NUP210L: variants seen among roughly 807,000 people sequenced by gnomAD.
NUP210L encodes the protein nuclear pore membrane glycoprotein 210-like.
NUP210L carries 74 observed loss-of-function variants against 208.5 expected under a neutral mutation model. That is an observed-to-expected ratio of 0.35 (90% CI 0.29 to 0.43). The LOEUF is 0.43. Ranked by LOEUF, NUP210L falls within the 20% of genes least tolerant of loss-of-function variation. The pLI is 1.00. For synonymous variants in NUP210L, 780 were observed against 816.9 expected, an observed-to-expected ratio of 0.95 and a Z score of 0.77; for missense variants, 1,843 against 2,289.4, an observed-to-expected ratio of 0.81 and a Z score of 3.98.
At chr1:154,089,626 G>T (rs1655803386) in intron 15 of NUP210L, 32 bp from the exon 16 acceptor site, 2 of 1,577,922 alleles carry the variant, frequency 1.3e-6, no homozygotes, top group African/African-American at 1.3e-5. Flanking sequence ...AGAGATAATT[G>T]TGGGTAGATA....
chr1:154,100,465 C>T (rs1481254428), intron 13 of NUP210L, among the ~76,000 whole-genome samples: 1 of 148,262 alleles, frequency 6.7e-6, no homozygotes, highest in African/African-American at 2.5e-5. Flanking sequence ...AAAAAAAACC[C>T]AAAACAAATA....
rs1277042734 is a variant in NUP210L, at chr1:153,992,949, G to A, written c.5567-14C>T. On this transcript the variant is annotated splice_polypyrimidine_tract_variant and intron_variant, in intron 39 of 39. Coordinates refer to ENST00000368559, the Ensembl canonical transcript of NUP210L. ...AGTTAAAAAAACCTAGAAGAAGAGG[G>A]AAAAGTTGAGTGAATTAAACGTGTG... 5 of 1,609,258 alleles carry A rather than the reference G, an allele frequency of 3.1e-6. No homozygotes were observed. Among genetic ancestry groups the A allele is most frequent in the African/African-American group, 2.7e-5 (2 of 74,616 alleles).
At chr1:154,013,006 C>A (rs1413721265) in intron 33 of NUP210L, among the ~76,000 whole-genome samples, 205 of 72,492 alleles carry the variant, frequency 2.8e-3, no homozygotes, top group Non-Finnish European at 2.8e-3. Context: ...AACTCTGAAT[C>A]AAAAAAAAAA....
intron 12 of NUP210L, among the ~76,000 whole-genome samples, chr1:154,110,809 T>A (rs1235111340): frequency 6.7e-6 from 1 of 149,644 alleles, no homozygotes; most frequent in Non-Finnish European, 1.5e-5. Flanking sequence ...GCCTGGGAGG[T>A]AGTGGCTGCA....
intron 17 of NUP210L, among the ~76,000 whole-genome samples, chr1:154,068,277 C>T (rs1230714495): frequency 6.6e-6 from 1 of 152,144 alleles, no homozygotes; most frequent in Non-Finnish European, 1.5e-5. Flanking sequence ...AGAAATAATA[C>T]CACACATCTA....
At chr1:154,088,447 T>A (rs1312700196) in intron 16 of NUP210L, among the ~76,000 whole-genome samples, 1 of 152,194 alleles carries the variant, frequency 6.6e-6, no homozygotes, top group Admixed American at 6.5e-5. Context: ...AACTTGCCTG[T>A]AAATTTGAAT....
intron 27 of NUP210L, among the ~76,000 whole-genome samples, chr1:154,033,058 A>G (rs1006035710): frequency 1.3e-5 from 2 of 152,024 alleles, no homozygotes; most frequent in African/African-American, 4.8e-5. Flanking sequence ...GGAAGGAAAT[A>G]TCTATTCCAA....
intron 27 of NUP210L, among the ~76,000 whole-genome samples, chr1:154,040,646 G>T (rs987935806): frequency 2.0e-5 from 3 of 151,616 alleles, no homozygotes; most frequent in African/African-American, 7.3e-5. Flanking sequence ...GAGTGCAGTG[G>T]CGTGATCTTG....
chr1:154,126,401 A>G (rs1657983685), exon 10 of NUP210L: 1 of 1,613,370 alleles, frequency 6.2e-7, no homozygotes, highest in Non-Finnish European at 8.5e-7. Context: ...GGTAAGATCC[A>G]TTCACGGTAG....
At chr1:154,101,726 TAGAA>T (rs755875078) in intron 13 of NUP210L, among the ~76,000 whole-genome samples, 3 of 151,916 alleles carry the variant, frequency 2.0e-5, no homozygotes, top group East Asian at 1.9e-4. Context: ...ATCTAGAAAA[TAGAA>T]AGATTATTTC....
chr1:154,012,717 C>T (rs868795982), intron 33 of NUP210L, among the ~76,000 whole-genome samples: 4 of 151,780 alleles, frequency 2.6e-5, no homozygotes, highest in Admixed American at 6.6e-5. Context: ...CAACAAAAGA[C>T]GGGGTCAGCC....
chr1:154,009,901 CA>C, intron 35 of NUP210L, 70 bp downstream of exon 35: 1 of 1,246,720 alleles, frequency 8.0e-7, no homozygotes, highest in South Asian at 1.8e-5. Context: ...AAATGCAATC[CA>C]ATAAGAATGG....
chr1:154,143,726 A>C (rs1658973432), intron 2 of NUP210L, 149 bp from the exon 3 acceptor site: 1 of 588,462 alleles, frequency 1.7e-6, no homozygotes, highest in Non-Finnish European at 2.8e-6. Flanking sequence ...CATAATAATA[A>C]GATATAAGAG....
intron 35 of NUP210L, among the ~76,000 whole-genome samples, chr1:154,005,581 G>C (rs945023348): frequency 6.6e-6 from 1 of 151,096 alleles, no homozygotes; most frequent in Admixed American, 6.6e-5. Context: ...CTGTTGCCTA[G>C]GCTGGAGTGC....
At chr1:154,138,370 T>G (rs909086113) in intron 5 of NUP210L, 132 bp from the exon 6 acceptor site, 5 of 699,996 alleles carry the variant, frequency 7.1e-6, no homozygotes, top group Non-Finnish European at 1.1e-5. Flanking sequence ...TTAAAAGCTT[T>G]CCTAATCACA....
exon 17 of NUP210L, chr1:154,070,329 T>C (rs1405335216): frequency 3.1e-6 from 5 of 1,613,102 alleles, no homozygotes; most frequent in Admixed American, 3.3e-5. Context: ...CACTGATTTA[T>C]AATCTTCGAA....
At chr1:154,054,289 A>G in exon 25 of NUP210L, 1 of 1,614,222 alleles carries the variant, frequency 6.2e-7, no homozygotes, top group Non-Finnish European at 8.5e-7. Flanking sequence ...GCCATGAACC[A>G]CAGCTGTGCC....
At chr1:154,147,949 CT>C (rs961767820) in intron 2 of NUP210L, among the ~76,000 whole-genome samples, 2 of 140,818 alleles carry the variant, frequency 1.4e-5, no homozygotes, top group Non-Finnish European at 3.1e-5. Flanking sequence ...GCCACCGTGC[CT>C]GGCCACCCAA....
chr1:154,116,195 C>T (rs1185480652), intron 12 of NUP210L, among the ~76,000 whole-genome samples: 1 of 148,038 alleles, frequency 6.8e-6, no homozygotes, highest in East Asian at 2.0e-4. Context: ...GCAGAGCTTG[C>T]AGTGAGCCAA....
Sources: gnomAD v4.1 joint callset for allele counts (sites outside exome capture counted in the v4.1 genomes callset) on GRCh38, gnomAD v4.1.1 for gene constraint, MANE v1.5 for transcripts, NCBI Gene and HGNC (gene_info 2026-07-23, HGNC 2026-07-21) for gene names.